The following KBTBD12 variants were observed in gnomAD, a reference collection of about 807,000 sequenced individuals.
KBTBD12 encodes kelch repeat and BTB domain-containing protein 12.
A neutral mutation model predicts 58.7 loss-of-function variants in KBTBD12; 53 were observed. The ratio of observed to expected loss-of-function variants is 0.90; its 90% CI spans 0.72 to 1.14. KBTBD12 has a LOEUF of 1.14. KBTBD12 is among the 50% of genes most tolerant of loss of function. KBTBD12 has a pLI of 0.00. For synonymous variants in KBTBD12, 236 were observed against 259.8 expected, an observed-to-expected ratio of 0.91 and a Z score of 0.88; for missense variants, 704 against 751.3, an observed-to-expected ratio of 0.94 and a Z score of 0.74.
intron 3 of KBTBD12, among the ~76,000 whole-genome samples, chr3:127,928,482 A>G (rs927784278): frequency 3.9e-5 from 6 of 152,238 alleles, no homozygotes; most frequent in African/African-American, 1.4e-4. Flanking sequence ...TGATGGCACA[A>G]TCGTTTCTAT....
rs543233497 is a variant in KBTBD12 at position 127,950,318 on chromosome 3, G to A, written c.1493-12871G>A. ...GGAGATAGAAGGGCCCTAGGCTAAC[G>A]GAGAGGAACAAACATCCAGAGATTA... On this transcript the variant is annotated intron_variant, in intron 4 of 5. Transcript: ENST00000405109. Among the ~76,000 whole-genome samples, 9 of 152,216 alleles carry A rather than the reference G, an allele frequency of 5.9e-5. No individual in the cohort carries two copies. In the South Asian group the frequency reaches 1.7e-3, roughly 28 times the overall value.
At chr3:127,964,982 G>A (rs1940534831) in intron 5 of KBTBD12, among the ~76,000 whole-genome samples, 1 of 152,196 alleles carries the variant, frequency 6.6e-6, no homozygotes, top group Non-Finnish European at 1.5e-5. Context: ...TAAGAAGGGA[G>A]CTGAGGAGCC....
intron 4 of KBTBD12, among the ~76,000 whole-genome samples, chr3:127,932,685 A>G (rs752127461): frequency 2.0e-5 from 3 of 152,108 alleles, no homozygotes; most frequent in Admixed American, 1.3e-4. Context: ...TACTACCTAT[A>G]TATTCTTGGT....
chr3:127,967,209 A>AGT (rs1940591599), intron 5 of KBTBD12, among the ~76,000 whole-genome samples: 1 of 152,254 alleles, frequency 6.6e-6, no homozygotes, highest in Non-Finnish European at 1.5e-5. Context: ...GCTGCAAAGC[A>AGT]GGCCGAAAGA....
At chr3:127,960,082 T>A (rs79821500) in intron 4 of KBTBD12, among the ~76,000 whole-genome samples, 1 of 152,316 alleles carries the variant, frequency 6.6e-6, no homozygotes, top group East Asian at 1.9e-4. Context: ...GCCTGCCACC[T>A]TGAGGTGACC....
chr3:127,974,759 T>TG (rs1434102275), intron 5 of KBTBD12, among the ~76,000 whole-genome samples: 1 of 152,114 alleles, frequency 6.6e-6, no homozygotes, highest in African/African-American at 2.4e-5. Flanking sequence ...AGGCCGAGGC[T>TG]GGGGGAACAC....
chr3:127,959,607 C>T (rs987666827), intron 4 of KBTBD12, among the ~76,000 whole-genome samples: 2 of 152,214 alleles, frequency 1.3e-5, no homozygotes, highest in Admixed American at 6.5e-5. Context: ...TGAGAGTTAA[C>T]ATTTGGGTGC....
At chr3:127,960,495 T>C (rs1316926094) in intron 4 of KBTBD12, among the ~76,000 whole-genome samples, 1 of 152,238 alleles carries the variant, frequency 6.6e-6, no homozygotes, top group Non-Finnish European at 1.5e-5. Flanking sequence ...ATTAAAGATA[T>C]GGAGGTATCT....
intron 5 of KBTBD12, among the ~76,000 whole-genome samples, chr3:127,980,125 C>T (rs1436711867): frequency 1.3e-5 from 2 of 152,024 alleles, no homozygotes; most frequent in Non-Finnish European, 2.9e-5. Context: ...CTTAAGTGCA[C>T]ATATTAGTAG....
At chr3:127,924,188 G>C (rs1939509623) in intron 2 of KBTBD12, 57 bp downstream of exon 2, 1 of 1,134,962 alleles carries the variant, frequency 8.8e-7, no homozygotes, top group African/African-American at 1.5e-5. Flanking sequence ...AGCAGCAGTA[G>C]AAGAAAGAAC....
chr3:127,937,589 T>C (rs1300814685), intron 4 of KBTBD12, among the ~76,000 whole-genome samples: 1 of 152,120 alleles, frequency 6.6e-6, no homozygotes, highest in African/African-American at 2.4e-5. Context: ...TAATAATGTT[T>C]AACAGAGTTC....
At chr3:127,951,332 C>T (rs1333802837) in intron 4 of KBTBD12, among the ~76,000 whole-genome samples, 2 of 152,098 alleles carry the variant, frequency 1.3e-5, no homozygotes, top group South Asian at 4.1e-4. Flanking sequence ...GGATTGTGGG[C>T]AGGAGTTGAG....
chr3:127,942,636 C>CTATATATAACTA, intron 4 of KBTBD12, among the ~76,000 whole-genome samples: 1 of 145,202 alleles, frequency 6.9e-6, no homozygotes, highest in South Asian at 2.2e-4. Context: ...ATATATATAA[C>CTATATATAACTA]TATATATAAC....
At chr3:127,965,732 G>A (rs1277137229) in intron 5 of KBTBD12, among the ~76,000 whole-genome samples, 1 of 152,172 alleles carries the variant, frequency 6.6e-6, no homozygotes, top group African/African-American at 2.4e-5. Flanking sequence ...AAAATAGTAG[G>A]TTGAACACCT....
At chr3:127,931,187 A>G (rs1354287614) in intron 4 of KBTBD12, among the ~76,000 whole-genome samples, 1 of 152,158 alleles carries the variant, frequency 6.6e-6, no homozygotes, top group African/African-American at 2.4e-5. Context: ...CTAAGCATTT[A>G]AATAGAAAGT....
At chr3:127,981,284 T>A (rs1424066113) in intron 5 of KBTBD12, among the ~76,000 whole-genome samples, 1 of 152,222 alleles carries the variant, frequency 6.6e-6, no homozygotes, top group Non-Finnish European at 1.5e-5. Flanking sequence ...TGAGGCAAGT[T>A]AATTAGCTTT....
At chr3:127,956,434 C>G (rs1037343191) in intron 4 of KBTBD12, among the ~76,000 whole-genome samples, 2 of 151,468 alleles carry the variant, frequency 1.3e-5, no homozygotes, top group Non-Finnish European at 2.9e-5. Context: ...TCCTTTATTT[C>G]CCAGCAGACT....
At chr3:127,972,230 A>G (rs1017725901) in intron 5 of KBTBD12, among the ~76,000 whole-genome samples, 3 of 152,238 alleles carry the variant, frequency 2.0e-5, no homozygotes, top group Non-Finnish European at 4.4e-5. Context: ...TAAAGAAGTC[A>G]AACAGAGGGT....
At chr3:127,946,988 C>G (rs1940097885) in intron 4 of KBTBD12, among the ~76,000 whole-genome samples, 1 of 152,150 alleles carries the variant, frequency 6.6e-6, no homozygotes, top group Admixed American at 6.5e-5. Flanking sequence ...TTCATAGATT[C>G]CACTTATTTT....
Sources: gnomAD v4.1 joint callset for allele counts (sites outside exome capture counted in the v4.1 genomes callset) on GRCh38, gnomAD v4.1.1 for gene constraint, MANE v1.5 for transcripts, NCBI Gene and HGNC (gene_info 2026-07-23, HGNC 2026-07-21) for gene names.